The following PRX variants were observed in gnomAD, a reference collection of about 807,000 sequenced individuals.
PRX encodes periaxin.
Under a neutral mutation model 29.6 loss-of-function variants are expected in PRX, and 24 were observed. That is an observed-to-expected ratio of 0.81 (90% CI 0.59 to 1.14). PRX has a LOEUF of 1.14. PRX is among the 50% of genes most tolerant of loss of function. The probability of loss-of-function intolerance (pLI) is 0.00; values close to 1 mark genes in which losing one functional copy is unlikely to be tolerated. For synonymous variants in PRX, 772 were observed against 831.7 expected, an observed-to-expected ratio of 0.93 and a Z score of 1.24; for missense variants, 1,838 against 1,926.4, an observed-to-expected ratio of 0.95 and a Z score of 0.86.
chr19:40,398,949 G>A lies in PRX; in HGVS notation c.185-133C>T. 2.6e-6 allele frequency: 4 copies of A among 1,513,840 alleles called. No homozygotes were observed. The highest frequency in any genetic ancestry group is 3.5e-6 in the Non-Finnish European group (4 of 1,129,676). The allele number at this position is 1,513,840 out of a possible 1,614,324, so 93.8% of individuals were successfully genotyped here. ...TTAGTTTCTCCAATCCCCAGCGCAGGATTAAGTCGCAGTTACGCTAGTCCC... is the reference window on the plus strand; with the variant it reads ...TTAGTTTCTCCAATCCCCAGCGCAGAATTAAGTCGCAGTTACGCTAGTCCC... On this transcript the variant is annotated intron_variant, in intron 5 of 6. Transcript: ENST00000324001. The surrounding 1 kb of genome is among the most constrained non-coding windows in gnomAD (Gnocchi z 6.3).
rs779036813 is a variant in PRX, at chr19:40,397,437, A to G, written c.915T>C (p.Thr305=). 1 of 1,599,660 alleles carries G rather than the reference A, an allele frequency of 6.3e-7. No individual in the cohort carries two copies. The highest frequency in any genetic ancestry group is 8.5e-7 in the Non-Finnish European group (1 of 1,174,256). Residue 305 remains threonine (T), a synonymous_variant, in exon 7 of 7, where the codon ACT becomes ACC. Coordinates refer to ENST00000324001, the MANE Select transcript of PRX (RefSeq NM_181882.3). ...VELPALPSLP[T]LPTLPCLETR... ...TCTCTAGGCAGGGAAGTGTGGGCAG[A>G]GTGGGCAGTGAGGGCAAGGCAGGCA...
Position 40,394,487 on chromosome 19 carries a change from C to G in PRX, c.3865G>C (p.Ala1289Pro). The G allele has an allele frequency of 6.2e-7, 1 of 1,601,084 alleles. No individual in the cohort carries two copies. ...VELSPSGGNH[A>P]EYQVAEGEGE... is the part of the protein sequence containing the mutation. ...TCCCCCTCTGCCACCTGGTACTCGG[C>G]ATGGTTGCCCCCGGATGGCGAGAGC... The change falls in exon 7 of 7, where the codon GCC (alanine) becomes CCC (proline). Residue 1289 changes from alanine to proline, a missense_variant. Physicochemically the swap from Ala to Pro is conservative, Grantham distance 27. Around this residue, in one of 3 missense-constraint regions of PRX, gnomAD observed 1,143 missense variants for 1,193.0 expected, o/e 0.96. Transcript: ENST00000324001. The surrounding 1 kb of genome is among the most constrained non-coding windows in gnomAD (Gnocchi z 5.8).
chr19:40,411,661 A>G (rs2079559314), intron 1 of PRX, among the ~76,000 whole-genome samples: 1 of 152,042 alleles, frequency 6.6e-6, no homozygotes, highest in African/African-American at 2.4e-5. Flanking sequence ...TGAGCCACGT[A>G]CCCAGCCCCT....
chr19:40,395,513 C>G lies in PRX; in HGVS notation c.2839G>C (p.Glu947Gln). The G allele has an allele frequency of 6.2e-7, 1 of 1,614,212 alleles. No homozygotes were observed. The highest frequency in any genetic ancestry group is 8.5e-7 in the Non-Finnish European group (1 of 1,180,040). Residue 947 changes from glutamate (E) to glutamine (Q), a missense_variant, in exon 7 of 7, where the codon GAG becomes CAG. Transcript: ENST00000324001. ...GLSGPKVAKA[E>Q]AEGAGRATKL... is the part of the protein sequence containing the mutation. ...GTAGCTCGCCCAGCCCCCTCAGCCT[C>G]TGCCTTAGCCACCTTTGGCCCCGAG...
intron 5 of PRX, 83 bp downstream of exon 5, chr19:40,403,623 T>G: frequency 4.9e-6 from 7 of 1,442,966 alleles, no homozygotes; most frequent in South Asian, 1.4e-5. Flanking sequence ...CCCCGGTCAG[T>G]TTCAGCCTCT....
rs761769929 is a variant in PRX, at chr19:40,395,536, G to C, written c.2816C>G (p.Ser939Trp). ...CTCTGCCTTAGCCACCTTTGGCCCC[G>C]AGAGTCCAAACTTAGGTAAGGAGAA... Reference protein sequence around the residue: ...SKFSLPKFGLSGPKVAKAEAE... With the variant: ...SKFSLPKFGLWGPKVAKAEAE... The change falls in exon 7 of 7, where the codon TCG (serine) becomes TGG (tryptophan). Residue 939 changes from serine to tryptophan, a missense_variant. Around this residue, in one of 3 missense-constraint regions of PRX, gnomAD observed 1,143 missense variants for 1,193.0 expected, o/e 0.96. Coordinates refer to ENST00000324001, the MANE Select transcript of PRX (RefSeq NM_181882.3). 1.2e-6 allele frequency: 2 copies of C among 1,614,180 alleles called. No individual in the cohort carries two copies. Among genetic ancestry groups the C allele is most frequent in the South Asian group, 1.1e-5 (1 of 91,084 alleles).
At chr19:40,403,021 T>G (rs1281722667) in intron 5 of PRX, among the ~76,000 whole-genome samples, 1 of 151,476 alleles carries the variant, frequency 6.6e-6, no homozygotes, top group Non-Finnish European at 1.5e-5. Flanking sequence ...AATACAAAAA[T>G]TAGCCGGGCG....
Position 40,398,837 on chromosome 19 carries a change from C to G in PRX, c.185-21G>C. 6.2e-7 allele frequency: 1 copy of G among 1,613,862 alleles called. No homozygotes were observed. Among genetic ancestry groups the G allele is most frequent in the Non-Finnish European group, 8.5e-7 (1 of 1,179,942 alleles). On this transcript the variant is annotated intron_variant, in intron 5 of 6. Coordinates refer to ENST00000324001, the MANE Select transcript of PRX (RefSeq NM_181882.3). This position sits in a 1 kb window ranked among gnomAD's most constrained non-coding sequence, Gnocchi z 6.3. ...GTCCCCTGCGGGCGAGGTGGAGGTGCGCAGCACGTGGGCATCTCCCGGCTC... is the reference window on the plus strand; with the variant it reads ...GTCCCCTGCGGGCGAGGTGGAGGTGGGCAGCACGTGGGCATCTCCCGGCTC...
At chr19:40,407,801 T>C in intron 4 of PRX, 105 bp downstream of exon 4, 1 of 1,491,192 alleles carries the variant, frequency 6.7e-7, no homozygotes. Context: ...ATTTCACAGA[T>C]GGAGAGAATG....
rs766160977 is a variant in PRX at position 40,403,815 on chromosome 19, C to T, written c.75G>A (p.Ala25=). ...ELVEIIVETE[A]QTGVSGINVA... ...CGTTGATGCCGCTGACCCCGGTCTG[C>T]GCCTCCGTCTCCACGATAATTTCCA... Residue 25 remains alanine, a synonymous_variant, in exon 5 of 7, where the codon GCG becomes GCA. Transcript: ENST00000324001. 2.0e-5 allele frequency: 32 copies of T among 1,608,382 alleles called. No homozygotes were observed. The highest frequency in any genetic ancestry group is 2.7e-5 in the African/African-American group (2 of 74,816).
intron 1 of PRX, among the ~76,000 whole-genome samples, chr19:40,410,741 C>T (rs1298533612): frequency 6.6e-6 from 1 of 152,080 alleles, no homozygotes; most frequent in Non-Finnish European, 1.5e-5. Context: ...CGTGGCAGCG[C>T]GCGCCTGTAA....
At chr19:40,411,310 T>G (rs760160416) in intron 1 of PRX, among the ~76,000 whole-genome samples, 1 of 152,142 alleles carries the variant, frequency 6.6e-6, no homozygotes, top group African/African-American at 2.4e-5. Flanking sequence ...GGACCCCATT[T>G]AACTGATGAG....
chr19:40,394,775 A>T lies in PRX; in HGVS notation c.3577T>A (p.Ser1193Thr), dbSNP rs1176498399. ...YRVQVPQVTL[S>T]LPGAQVAGGE... The stretch of plus-strand genomic sequence containing the variant: ...CCTGCAACCTGGGCTCCAGGCAGAG[A>T]CAGGGTCACCTGGGGCACCTGAACC... Residue 1193 changes from serine (S) to threonine (T), a missense_variant, in exon 7 of 7, where the codon TCT (serine) becomes ACT (threonine). Transcript: ENST00000324001. This position sits in a 1 kb window ranked among gnomAD's most constrained non-coding sequence, Gnocchi z 5.8. 1.2e-6 allele frequency: 2 copies of T among 1,613,588 alleles called. No homozygotes were observed. The highest frequency in any genetic ancestry group is 1.7e-5 in the Admixed American group (1 of 60,010).
chr19:40,410,236 T>C (rs557245383), intron 1 of PRX, among the ~76,000 whole-genome samples: 1 of 152,226 alleles, frequency 6.6e-6, no homozygotes, highest in South Asian at 2.1e-4. Flanking sequence ...GGGCTTGTCC[T>C]CACAGCCCCC....
Position 40,398,853 on chromosome 19 carries a change from C to T in PRX, c.185-37G>A, listed in dbSNP as rs763420257. On this transcript the variant is annotated intron_variant, in intron 5 of 6. Transcript: ENST00000324001. This position sits in a 1 kb window ranked among gnomAD's most constrained non-coding sequence, Gnocchi z 6.3. ...GTGGAGGTGCGCAGCACGTGGGCAT[C>T]TCCCGGCTCCGCCCGGGCCTAGTTC... 7 of 1,613,498 alleles carry T rather than the reference C, an allele frequency of 4.3e-6. 1 individual carries two copies. The South Asian group carries it at 6.6e-5, about 15-fold the overall frequency.
chr19:40,402,232 T>C (rs1440578031), intron 5 of PRX, among the ~76,000 whole-genome samples: 1 of 151,392 alleles, frequency 6.6e-6, no homozygotes, highest in African/African-American at 2.4e-5. Context: ...CGGGTGCCTG[T>C]AGTCCCAGTT....
At chr19:40,405,850 G>C (rs2079527209) in intron 4 of PRX, among the ~76,000 whole-genome samples, 1 of 151,402 alleles carries the variant, frequency 6.6e-6, no homozygotes, top group African/African-American at 2.4e-5. Flanking sequence ...TGTTGGCCAG[G>C]ATGGTCTCGA....
chr19:40,408,816 G>GGTGGT (rs1555802636), intron 1 of PRX, among the ~76,000 whole-genome samples: 7,091 of 143,326 alleles, frequency 0.049, 582 homozygotes, highest in African/African-American at 0.17. Context: ...TGTTGTTGGT[G>GGTGGT]GTGTGTGTGT....
rs1345591958 is a variant in PRX at position 40,413,358 on chromosome 19, C to G, written c.-263G>C. ...CTTACCGCTGAGCCTCCAGACACCT[C>G]GAGAGCTCCTGGTCCCGTCTGTCAG... On this transcript the variant is annotated 5_prime_UTR_variant, in exon 1 of 7. Transcript: ENST00000324001. 1 of 152,216 alleles carries G rather than the reference C, an allele frequency of 6.6e-6. No homozygotes were observed. The highest frequency in any genetic ancestry group is 1.5e-5 in the Non-Finnish European group (1 of 68,158). The allele number at this position is 152,216 out of a possible 1,614,324, so 9.4% of individuals were successfully genotyped here.
Sources: gnomAD v4.1 joint callset for allele counts (sites outside exome capture counted in the v4.1 genomes callset) on GRCh38, gnomAD v4.1.1 for gene constraint, gnomAD v4.1.1 regional missense constraint, Gnocchi (gnomAD v3.1) non-coding constraint, MANE v1.5 for transcripts, NCBI Gene and HGNC (gene_info 2026-07-23, HGNC 2026-07-21) for gene names.